The following SLC38A6 variants were observed in gnomAD, a reference collection of about 807,000 sequenced individuals.
SLC38A6 encodes solute carrier family 38 member 6, also known as N system amino acid transporter NAT-1.
Under a neutral mutation model 65.0 loss-of-function variants are expected in SLC38A6, and 73 were observed. That is an observed-to-expected ratio of 1.12 (90% CI 0.93 to 1.37). SLC38A6 has a LOEUF of 1.37. Among genes scored for constraint, SLC38A6 ranks in the 40% most tolerant of loss-of-function variants. The pLI is 0.00. For missense variants in SLC38A6, 561 were observed against 531.1 expected (o/e 1.06, Z -0.55); for synonymous variants, 183 against 178.8 (o/e 1.02, Z -0.19).
chr14:61,044,975 CAG>C (rs1396668876), intron 10 of SLC38A6, among the ~76,000 whole-genome samples: 11 of 152,186 alleles, frequency 7.2e-5, no homozygotes, highest in Admixed American at 2.0e-4. Flanking sequence ...ATTTAGAAGA[CAG>C]AGAATTAAAA....
chr14:61,048,206 T>C (rs950817951), intron 12 of SLC38A6: 2 of 450,608 alleles, frequency 4.4e-6, no homozygotes, highest in South Asian at 1.6e-5. Flanking sequence ...TGAGATCTTA[T>C]AAGGGCTAGC....
chr14:61,077,387 C>G (rs979267008), intron 15 of SLC38A6, among the ~76,000 whole-genome samples: 11 of 152,328 alleles, frequency 7.2e-5, no homozygotes, highest in Admixed American at 7.2e-4. Flanking sequence ...CTAGTTGACT[C>G]TTTCCCCAGT....
At chr14:61,030,001 G>A (rs185293638) in intron 5 of SLC38A6, among the ~76,000 whole-genome samples, 2 of 152,254 alleles carry the variant, frequency 1.3e-5, no homozygotes, top group Non-Finnish European at 2.9e-5. Context: ...TCTTTCTCTA[G>A]TAAGAAGGAA....
In SLC38A6 at chr14:61,003,764, G is replaced by A. The variant is rs1033013313; in HGVS notation, c.311-12140G>A. Among the ~76,000 whole-genome samples the A allele has an allele frequency of 4.6e-5, 7 of 152,214 alleles. No homozygotes were observed. In the South Asian group the frequency reaches 1.2e-3, roughly 27 times the overall value. ...GTAAAGCCTCAATGTTAAGCAAGAAGCCATTACTCATATTCATGTTGTCTC... is the reference window on the plus strand; with the variant it reads ...GTAAAGCCTCAATGTTAAGCAAGAAACCATTACTCATATTCATGTTGTCTC... On this transcript the variant is annotated intron_variant, in intron 3 of 15. Transcript: ENST00000267488.
At position 61,039,911 on chromosome 14, in the gene SLC38A6, G is replaced by A. The variant is rs896749312; in HGVS notation, c.624+2228G>A. ...ATAAACTAAAACCTATATTTTATCTGTTCTCCCAGATCTGTATTTTCATTA... is the reference window on the plus strand; with the variant it reads ...ATAAACTAAAACCTATATTTTATCTATTCTCCCAGATCTGTATTTTCATTA... On this transcript the variant is annotated intron_variant, in intron 8 of 15. Coordinates refer to ENST00000267488, the MANE Select transcript of SLC38A6 (RefSeq NM_153811.3). Among the ~76,000 whole-genome samples, 70 of 150,902 alleles carry A rather than the reference G, an allele frequency of 4.6e-4. 1 individual carries two copies. The highest frequency in any genetic ancestry group is 7.4e-4 in the Non-Finnish European group (50 of 67,740).
chr14:61,033,749 C>T lies in SLC38A6; in HGVS notation c.482+3226C>T, dbSNP rs555533945. Among the ~76,000 whole-genome samples the T allele has an allele frequency of 6.1e-4, 92 of 151,978 alleles. 1 individual carries two copies. The highest frequency in any genetic ancestry group is 6.0e-3 in the Admixed American group (91 of 15,256). On this transcript the variant is annotated intron_variant, in intron 6 of 15. Transcript: ENST00000267488. ...AATTTTACTGTGCTTTACTGTGTTG[C>T]CTTTATTGTTAATGAATGGTAAAGA... is the stretch of plus-strand genomic sequence containing the variant.
intron 16 of SLC38A6, among the ~76,000 whole-genome samples, chr14:61,082,952 C>T (rs2140013726): frequency 6.6e-6 from 1 of 152,326 alleles, no homozygotes; most frequent in Non-Finnish European, 1.5e-5. Context: ...TGTCCTCTCA[C>T]CTTTGAACAT....
At chr14:61,073,693 A>G (rs981862246) in intron 15 of SLC38A6, among the ~76,000 whole-genome samples, 1 of 152,080 alleles carries the variant, frequency 6.6e-6, no homozygotes, top group Non-Finnish European at 1.5e-5. Context: ...TATACCTACC[A>G]CTGAAACTTA....
chr14:61,024,202 C>T (rs892793882), intron 5 of SLC38A6, among the ~76,000 whole-genome samples: 1 of 152,140 alleles, frequency 6.6e-6, no homozygotes, highest in Admixed American at 6.6e-5. Context: ...AAAAAATCTA[C>T]TGTCTGTAAA....
chr14:61,064,629 G>T (rs757782675), intron 15 of SLC38A6, among the ~76,000 whole-genome samples: 3 of 148,996 alleles, frequency 2.0e-5, no homozygotes, highest in Non-Finnish European at 4.4e-5. Flanking sequence ...TAATAAGATG[G>T]CTGGTGAGAG....
chr14:61,054,818 G>A (rs2139885664), downstream of SLC38A6, among the ~76,000 whole-genome samples: 1 of 152,236 alleles, frequency 6.6e-6, no homozygotes, highest in South Asian at 2.1e-4. Context: ...GAGATAGTTT[G>A]ACTTCCTCTC....
At chr14:61,053,759 C>G (rs1262145798), downstream of SLC38A6, among the ~76,000 whole-genome samples, 2 of 151,926 alleles carry the variant, frequency 1.3e-5, no homozygotes, top group African/African-American at 4.8e-5. Flanking sequence ...TAAATTTGTT[C>G]AAGTTCCTCA....
At chr14:61,061,901 G>T (rs1211753461) in intron 15 of SLC38A6, among the ~76,000 whole-genome samples, 1 of 150,170 alleles carries the variant, frequency 6.7e-6, no homozygotes, top group Non-Finnish European at 1.5e-5. Flanking sequence ...GCAATGGTGT[G>T]ATCTCGGCTC....
At chr14:61,070,355 G>C (rs933860928) in intron 15 of SLC38A6, among the ~76,000 whole-genome samples, 1 of 152,184 alleles carries the variant, frequency 6.6e-6, no homozygotes, top group Admixed American at 6.5e-5. Context: ...TTGTCCTCAA[G>C]TATTATGCAT....
chr14:61,024,583 A>G (rs1181343460), intron 5 of SLC38A6, among the ~76,000 whole-genome samples: 1 of 152,250 alleles, frequency 6.6e-6, no homozygotes, highest in Non-Finnish European at 1.5e-5. Context: ...TAACTGTAGT[A>G]GAAAGTAAGT....
At chr14:60,991,724 TC>T (rs1235775546) in intron 3 of SLC38A6, among the ~76,000 whole-genome samples, 2 of 152,120 alleles carry the variant, frequency 1.3e-5, no homozygotes, top group Non-Finnish European at 2.9e-5. Context: ...TTTTATACAA[TC>T]TCATTTAAAA....
Position 61,011,194 on chromosome 14 carries a change from T to A in SLC38A6, c.311-4710T>A, listed in dbSNP as rs141769104. Among the ~76,000 whole-genome samples the A allele has an allele frequency of 4.3e-3, 661 of 152,274 alleles. 10 individuals are homozygous for A. Among genetic ancestry groups the A allele is most frequent in the African/African-American group, 0.014 (592 of 41,532 alleles). On this transcript the variant is annotated intron_variant, in intron 3 of 15. Coordinates refer to ENST00000267488, the MANE Select transcript of SLC38A6 (RefSeq NM_153811.3). Reference sequence around the variant, plus strand: ...TGGCTCTCTGTTTGTCTGTTATTGGTATATAGGAATGCATGTGATTTTTAC... The same window carrying A: ...TGGCTCTCTGTTTGTCTGTTATTGGAATATAGGAATGCATGTGATTTTTAC...
At chr14:61,021,258 A>G (rs1480106183) in intron 5 of SLC38A6, among the ~76,000 whole-genome samples, 3 of 152,324 alleles carry the variant, frequency 2.0e-5, no homozygotes, top group South Asian at 4.1e-4. Context: ...TACCTTAAAT[A>G]TTCTAGATAT....
At chr14:61,046,290 A>G (rs983174083) in intron 12 of SLC38A6, 123 bp downstream of exon 12, 3 of 611,764 alleles carry the variant, frequency 4.9e-6, no homozygotes, top group East Asian at 2.8e-5. Context: ...CCAAATTACA[A>G]TGCAGTACTG....
Sources: allele counts gnomAD v4.1 joint callset (sites outside exome capture counted in the v4.1 genomes callset), GRCh38; gene constraint gnomAD v4.1.1; transcripts MANE v1.5; gene names NCBI Gene and HGNC (gene_info 2026-07-23, HGNC 2026-07-21).